UGT1A4: variants seen among roughly 807,000 people sequenced by gnomAD.
UGT1A4 encodes UDP-glucuronosyltransferase 1A4.
Under a neutral mutation model 41.1 loss-of-function variants are expected in UGT1A4, and 32 were observed. That is an observed-to-expected ratio of 0.78 (90% CI 0.59 to 1.05). The LOEUF is 1.05. Among genes scored for constraint, UGT1A4 ranks in the 50% least tolerant of loss-of-function variants. UGT1A4 has a pLI of 0.00. For missense variants in UGT1A4, 748 were observed against 677.4 expected (o/e 1.10, Z -1.16); for synonymous variants, 283 against 265.1 (o/e 1.07, Z -0.66).
rs1390329998 is a variant in UGT1A4 at position 233,760,823 on chromosome 2, T to A, written c.868-6211T>A. 6.2e-7 allele frequency: 1 copy of A among 1,613,528 alleles called. No homozygotes were observed. Among genetic ancestry groups the A allele is most frequent in the East Asian group, 2.2e-5 (1 of 44,862 alleles). On this transcript the variant is annotated intron_variant, in intron 1 of 4. Coordinates refer to ENST00000373409, the MANE Select transcript of UGT1A4 (RefSeq NM_007120.3). ...TTCTTGCATGCACTGCCATGCAGCC[T>A]GGAATTTGAGGCTACCCAGTGCCCC...
rs771015573 is a variant in UGT1A4 at position 233,755,062 on chromosome 2, C to T, written c.868-11972C>T. On this transcript the variant is annotated intron_variant, in intron 1 of 4. Coordinates refer to ENST00000373409, the MANE Select transcript of UGT1A4 (RefSeq NM_007120.3). ...GCGCAGCCGCCCTCCGCCCTCGCCT[C>T]GCCATAGCGGTCATAGATATCGCGT... 7 of 1,335,332 alleles carry T rather than the reference C, an allele frequency of 5.2e-6. No individual in the cohort carries two copies. In the African/African-American group the frequency reaches 6.0e-5, roughly 11 times the overall value. 82.7% of individuals were successfully genotyped at this position (1,335,332 alleles called of 1,614,324 possible). A position where few individuals can be genotyped will look rare whatever the true frequency, so the allele number is the denominator to read the frequency against.
intron 1 of UGT1A4, among the ~76,000 whole-genome samples, chr2:233,761,459 C>T (rs974462920): frequency 3.9e-5 from 6 of 152,156 alleles, no homozygotes; most frequent in African/African-American, 1.4e-4. Context: ...TTTGGGGCAC[C>T]CTGCAGAAAA....
rs1392569558 is a variant in UGT1A4 at position 233,757,114 on chromosome 2, G to T, written c.868-9920G>T. ...GCAGAGGGAGGGGGCAAGCAGAAGG[G>T]CTAGAGAGGAGGAATGAGCTTGGAC... On this transcript the variant is annotated intron_variant, in intron 1 of 4. Transcript: ENST00000373409. Among the ~76,000 whole-genome samples the T allele has an allele frequency of 7.3e-5, 11 of 151,392 alleles. No individual in the cohort carries two copies. In the South Asian group the frequency reaches 1.7e-3, roughly 23 times the overall value.
intron 1 of UGT1A4, among the ~76,000 whole-genome samples, chr2:233,766,787 C>G (rs1296978407): frequency 6.6e-6 from 1 of 152,170 alleles, no homozygotes; most frequent in Non-Finnish European, 1.5e-5. Flanking sequence ...TTTTGGAAAA[C>G]TAGCACATTA....
At chr2:233,727,811 G>C (rs1024803216) in intron 1 of UGT1A4, among the ~76,000 whole-genome samples, 4 of 152,210 alleles carry the variant, frequency 2.6e-5, no homozygotes, top group African/African-American at 9.7e-5. Context: ...CATGGGTTCT[G>C]TCCAAAGGTG....
chr2:233,762,413 T>A (rs977567909), intron 1 of UGT1A4, among the ~76,000 whole-genome samples: 9 of 152,252 alleles, frequency 5.9e-5, no homozygotes, highest in African/African-American at 2.2e-4. Flanking sequence ...GGTTGCTTTT[T>A]CTACAAAATA....
chr2:233,749,977 G>A (rs2221198), intron 1 of UGT1A4, among the ~76,000 whole-genome samples: 68,794 of 151,608 alleles, frequency 0.45, 16,248 homozygotes, highest in South Asian at 0.58. Flanking sequence ...ATAGCAGTGT[G>A]AGAATGGACT....
chr2:233,738,553 G>C (rs890940493), intron 1 of UGT1A4, among the ~76,000 whole-genome samples: 2 of 152,228 alleles, frequency 1.3e-5, no homozygotes, highest in African/African-American at 2.4e-5. Context: ...CTCAGATAGA[G>C]ATGAGGAATC....
chr2:233,723,201 A>T (rs11677089), intron 1 of UGT1A4, among the ~76,000 whole-genome samples: 2,577 of 129,328 alleles, frequency 0.02, 30 homozygotes, highest in Non-Finnish European at 0.026. Context: ...TGGTAAAAAA[A>T]GTCAAAACTG....
intron 1 of UGT1A4, among the ~76,000 whole-genome samples, chr2:233,764,044 G>C (rs1237715809): frequency 6.6e-6 from 1 of 152,166 alleles, no homozygotes; most frequent in Non-Finnish European, 1.5e-5. Flanking sequence ...AAGAATTCTG[G>C]GAAAATGAAA....
chr2:233,740,135 G>C (rs1178370483), intron 1 of UGT1A4, among the ~76,000 whole-genome samples: 1 of 151,806 alleles, frequency 6.6e-6, no homozygotes, highest in African/African-American at 2.4e-5. Context: ...TGTCATGATT[G>C]TAAGTTTCCT....
Position 233,718,741 on chromosome 2 carries a change from C to T in UGT1A4, c.-80C>T. 1.2e-6 allele frequency: 2 copies of T among 1,611,932 alleles called. No individual in the cohort carries two copies. The highest frequency in any genetic ancestry group is 1.7e-6 in the Non-Finnish European group (2 of 1,179,884). On this transcript the variant is annotated 5_prime_UTR_variant, in exon 1 of 5. Transcript: ENST00000373409. Reference sequence around the variant, plus strand: ...GCTGATTTGCTAGGTGGCTCAATGACAAGGTAATTAAGGCGAAGGAAACAA... The same window carrying T: ...GCTGATTTGCTAGGTGGCTCAATGATAAGGTAATTAAGGCGAAGGAAACAA...
chr2:233,760,048 C>T (rs189369417), intron 1 of UGT1A4, among the ~76,000 whole-genome samples: 1 of 152,292 alleles, frequency 6.6e-6, no homozygotes, highest in East Asian at 1.9e-4. Flanking sequence ...GCTGTGTTCA[C>T]TCAAGAATGT....
intron 1 of UGT1A4, chr2:233,742,966 C>G: frequency 4.5e-6 from 1 of 219,782 alleles, no homozygotes; most frequent in Non-Finnish European, 9.2e-6. Context: ...TTGTCTGCCT[C>G]AGGCTTAAGT....
At chr2:233,765,294 GAC>G (rs1698796099) in intron 1 of UGT1A4, among the ~76,000 whole-genome samples, 1 of 152,132 alleles carries the variant, frequency 6.6e-6, no homozygotes, top group Non-Finnish European at 1.5e-5. Flanking sequence ...CTACTATAAA[GAC>G]ACATGCACAT....
chr2:233,732,984 G>A lies in UGT1A4; in HGVS notation c.867+13297G>A, dbSNP rs112925257. On this transcript the variant is annotated intron_variant, in intron 1 of 4. Coordinates refer to ENST00000373409, the MANE Select transcript of UGT1A4 (RefSeq NM_007120.3). ...ATTTGTTTGTGTCTTCTTTTATTTCGTTGAGCAGTGGTTTGTAGTTCTCCT... is the reference window on the plus strand; with the variant it reads ...ATTTGTTTGTGTCTTCTTTTATTTCATTGAGCAGTGGTTTGTAGTTCTCCT... 1.2e-3 allele frequency among the ~76,000 whole-genome samples: 181 copies of A among 152,020 alleles called. 1 individual carries two copies. The highest frequency in any genetic ancestry group is 5.5e-3 in the Admixed American group (84 of 15,268).
Position 233,719,556 on chromosome 2 carries a change from G to A in UGT1A4, c.736G>A (p.Val246Met), listed in dbSNP as rs1189539975. Residue 246 changes from valine to methionine, a missense_variant, in exon 1 of 5, where the codon GTG becomes ATG. By Grantham distance (21) the Val-to-Met change is conservative. Coordinates refer to ENST00000373409, the MANE Select transcript of UGT1A4 (RefSeq NM_007120.3). The stretch of plus-strand genomic sequence containing the variant: ...GCTTTTTCAGAGAGAGGTGTCAGTG[G>A]TGGATCTTGTCAGCTATGCATCCGT... Reference protein sequence around the residue: ...SELFQREVSVVDLVSYASVWL... With the variant: ...SELFQREVSVMDLVSYASVWL... The A allele has an allele frequency of 1.2e-6, 2 of 1,613,900 alleles. No individual in the cohort carries two copies. The highest frequency in any genetic ancestry group is 2.2e-5 in the South Asian group (2 of 91,074).
At chr2:233,728,672 A>G (rs543695455) in intron 1 of UGT1A4, among the ~76,000 whole-genome samples, 4 of 152,342 alleles carry the variant, frequency 2.6e-5, no homozygotes, top group Middle Eastern at 3.4e-3. Context: ...TTACTCATAC[A>G]TGAGAAGAAA....
At chr2:233,727,130 G>A (rs2077585965) in intron 1 of UGT1A4, among the ~76,000 whole-genome samples, 1 of 152,168 alleles carries the variant, frequency 6.6e-6, no homozygotes, top group Non-Finnish European at 1.5e-5. Context: ...TGGCAGAGGG[G>A]AACAAGACCA....
Sources: allele counts gnomAD v4.1 joint callset (sites outside exome capture counted in the v4.1 genomes callset), GRCh38; gene constraint gnomAD v4.1.1; transcripts MANE v1.5; gene names NCBI Gene and HGNC (gene_info 2026-07-23, HGNC 2026-07-21).